The following RABGAP1 variants were observed in gnomAD, a reference collection of about 807,000 sequenced individuals.
RABGAP1 encodes the protein rab GTPase-activating protein 1.
Under a neutral mutation model 137.6 loss-of-function variants are expected in RABGAP1, and 23 were observed. That is an observed-to-expected ratio of 0.17 (90% CI 0.12 to 0.24). The LOEUF (loss-of-function observed/expected upper bound fraction) is 0.24. Among genes scored for constraint, RABGAP1 ranks in the 10% least tolerant of loss-of-function variants. The probability of loss-of-function intolerance (pLI) is 1.00; values close to 1 mark genes in which losing one functional copy is unlikely to be tolerated. For missense variants in RABGAP1, 906 were observed against 1,275.8 expected (o/e 0.71, Z 4.42); for synonymous variants, 451 against 450.7 (o/e 1.00, Z -0.01).
At chr9:122,934,031 G>C in the RABGAP1 span, among the ~76,000 whole-genome samples, 13 of 151,968 alleles carry the variant, frequency 8.6e-5, no homozygotes, top group African/African-American at 3.1e-4. Flanking sequence ...AAAGTACTGC[G>C]GTTGTAAGCC....
At chr9:122,990,796 A>AAAT (rs1564384161) in intron 6 of RABGAP1, 1 of 27,764 alleles carries the variant, frequency 3.6e-5, no homozygotes, top group African/African-American at 1.2e-4. Flanking sequence ...AAAAAAAAAA[A>AAAT]ATATATATAT....
chr9:123,102,978 C>T, intron 25 of RABGAP1, 113 bp from the exon 26 acceptor site: 1 of 1,361,492 alleles, frequency 7.3e-7, no homozygotes, highest in Non-Finnish European at 9.6e-7. Context: ...TGGGGGAATT[C>T]CCCGAGGCCT....
chr9:122,947,855 C>T (rs1162726319), intron 1 of RABGAP1, among the ~76,000 whole-genome samples: 1 of 152,128 alleles, frequency 6.6e-6, no homozygotes, highest in East Asian at 1.9e-4. Context: ...TCTCAAAATT[C>T]AGAGTCAGAA....
intron 13 of RABGAP1, chr9:123,034,486 G>T (rs2032499025): frequency 2.4e-6 from 2 of 842,048 alleles, no homozygotes; most frequent in African/African-American, 1.7e-5. Flanking sequence ...AAAGCTGACC[G>T]CAATGACAGC....
intron 19 of RABGAP1, among the ~76,000 whole-genome samples, chr9:123,079,221 G>T (rs867987475): frequency 2.1e-4 from 30 of 139,902 alleles, no homozygotes; most frequent in Middle Eastern, 3.4e-3. Flanking sequence ...TTGTTTTTTT[G>T]TTTTTTTGTT....
chr9:123,050,307 AATTGTT>A (rs2033398888), intron 13 of RABGAP1, among the ~76,000 whole-genome samples: 2 of 152,212 alleles, frequency 1.3e-5, no homozygotes, highest in South Asian at 4.1e-4. Flanking sequence ...CCAGGTTTTG[AATTGTT>A]ATTGTTAATC....
the RABGAP1 span, among the ~76,000 whole-genome samples, chr9:122,934,145 T>G: frequency 7.1e-6 from 1 of 140,214 alleles, no homozygotes; most frequent in Non-Finnish European, 1.5e-5. Context: ...TGGCGTGATC[T>G]CGGCTCACTG....
At chr9:123,008,943 A>G (rs2030554089) in intron 10 of RABGAP1, among the ~76,000 whole-genome samples, 1 of 152,234 alleles carries the variant, frequency 6.6e-6, no homozygotes, top group Non-Finnish European at 1.5e-5. Context: ...ACACAAATCT[A>G]TAGGTTAACA....
At chr9:122,979,536 T>C (rs1835941148) in intron 2 of RABGAP1, among the ~76,000 whole-genome samples, 1 of 152,200 alleles carries the variant, frequency 6.6e-6, no homozygotes, top group South Asian at 2.1e-4. Flanking sequence ...GAAATCTCTA[T>C]GTCACAAGAT....
chr9:122,980,921 T>A (rs1836015879), intron 2 of RABGAP1, among the ~76,000 whole-genome samples: 2 of 152,210 alleles, frequency 1.3e-5, no homozygotes, highest in African/African-American at 4.8e-5. Context: ...GATGCCTATG[T>A]GGACCCTCTG....
In RABGAP1 at chr9:122,989,405, C is replaced by T. The variant is rs776498329; in HGVS notation, c.699C>T (p.Phe233=). Residue 233 remains phenylalanine, a synonymous_variant, in exon 5 of 26, where the codon TTC becomes TTT. Transcript: ENST00000373647. ...DGTPESDCFA[F]TESHYNAELF... ...CTCCTGAGAGTGACTGTTTTGCTTT[C>T]ACTGAAAGTCATTACAATGCAGAGC... 1 of 1,614,100 alleles carries T rather than the reference C, an allele frequency of 6.2e-7. No individual in the cohort carries two copies. The highest frequency in any genetic ancestry group is 1.7e-5 in the Admixed American group (1 of 60,020).
chr9:123,056,985 A>G (rs2033731586), intron 13 of RABGAP1, among the ~76,000 whole-genome samples: 1 of 152,054 alleles, frequency 6.6e-6, no homozygotes, highest in South Asian at 2.1e-4. Context: ...TCAATGAGCT[A>G]TTGGGTACAC....
chr9:122,956,963 A>G, intron 1 of RABGAP1, 48 bp from the exon 2 acceptor site: 1 of 991,658 alleles, frequency 1.0e-6, no homozygotes, highest in Non-Finnish European at 1.4e-6. Flanking sequence ...GTAATTGAAT[A>G]TCTGGCAGAC....
At chr9:123,059,311 T>C (rs886439380) in intron 13 of RABGAP1, among the ~76,000 whole-genome samples, 2 of 152,050 alleles carry the variant, frequency 1.3e-5, no homozygotes, top group Admixed American at 6.5e-5. Flanking sequence ...TCCCAGCACT[T>C]TGGGAGGCCG....
At chr9:122,977,479 G>A (rs1835822493) in intron 2 of RABGAP1, among the ~76,000 whole-genome samples, 1 of 152,232 alleles carries the variant, frequency 6.6e-6, no homozygotes. Context: ...AAGGCGGGCA[G>A]ATACTTGAGG....
intron 13 of RABGAP1, among the ~76,000 whole-genome samples, chr9:123,031,986 A>T (rs952394020): frequency 6.6e-6 from 1 of 152,222 alleles, no homozygotes; most frequent in Non-Finnish European, 1.5e-5. Context: ...TGCTTTGTAT[A>T]TGCATAGCCT....
At chr9:123,073,867 T>G (rs1372860079) in intron 16 of RABGAP1, among the ~76,000 whole-genome samples, 190 bp downstream of exon 16, 1 of 152,202 alleles carries the variant, frequency 6.6e-6, no homozygotes, top group Non-Finnish European at 1.5e-5. Flanking sequence ...CTTTCACACC[T>G]CATGGATGTG....
intron 2 of RABGAP1, among the ~76,000 whole-genome samples, chr9:122,959,027 A>C (rs768111127): frequency 7.9e-5 from 12 of 152,006 alleles, no homozygotes; most frequent in Admixed American, 3.9e-4. Context: ...AAAAACCCTT[A>C]CTCTTACTCA....
chr9:123,035,297 C>T lies in RABGAP1; in HGVS notation c.1794+14838C>T, dbSNP rs777386833. 2 of 1,614,150 alleles carry T rather than the reference C, an allele frequency of 1.2e-6. No individual in the cohort carries two copies. The highest frequency in any genetic ancestry group is 2.2e-5 in the South Asian group (2 of 91,084). On this transcript the variant is annotated intron_variant, in intron 13 of 25. Coordinates refer to ENST00000373647, the MANE Select transcript of RABGAP1 (RefSeq NM_012197.4). Reference sequence around the variant, plus strand: ...AGTGGGGAGACTGGGGAAGTGCAGGCCTGTCCTGATAAGCGCTATGCCATG... The same window carrying T: ...AGTGGGGAGACTGGGGAAGTGCAGGTCTGTCCTGATAAGCGCTATGCCATG...
Sources: allele counts gnomAD v4.1 joint callset (sites outside exome capture counted in the v4.1 genomes callset), GRCh38; gene constraint gnomAD v4.1.1; transcripts MANE v1.5; gene names NCBI Gene and HGNC (gene_info 2026-07-23, HGNC 2026-07-21).